The following VSX1 variants were observed in gnomAD, a reference collection of about 807,000 sequenced individuals.
The protein encoded by VSX1 is homeodomain protein RINX.
A neutral mutation model predicts 23.6 loss-of-function variants in VSX1; 23 were observed. The observed-to-expected ratio is 0.97, with a 90% CI of 0.70 to 1.38. VSX1 has a LOEUF of 1.38. VSX1 is among the 40% of genes most tolerant of loss of function. VSX1 has a pLI of 0.00. For synonymous variants in VSX1, 247 were observed against 215.1 expected, an observed-to-expected ratio of 1.15 and a Z score of -1.30; for missense variants, 517 against 495.4, an observed-to-expected ratio of 1.04 and a Z score of -0.41.
At chr20:25,081,648 G>A (rs1472681171) in intron 1 of VSX1, 25 bp downstream of exon 1, 10 of 1,528,208 alleles carry the variant, frequency 6.5e-6, no homozygotes, top group African/African-American at 1.4e-5. Context: ...ACAGGGGCAG[G>A]AGCGGAAAGC....
downstream of VSX1, chr20:25,070,996 C>G (rs575024921): frequency 2.2e-6 from 1 of 453,810 alleles, no homozygotes; most frequent in Non-Finnish European, 4.4e-6. Flanking sequence ...CTTAAAATGT[C>G]AGTATGAGAC....
chr20:25,077,907 A>C, intron 3 of VSX1, 42 bp from the exon 4 acceptor site: 1 of 1,549,240 alleles, frequency 6.5e-7, no homozygotes, highest in Non-Finnish European at 8.7e-7. Context: ...CAGAAGAGAC[A>C]GTGAAGAGGG....
chr20:25,075,906 C>T lies in VSX1; in HGVS notation c.*355G>A. The T allele has an allele frequency of 6.6e-6, 2 of 301,150 alleles. No homozygotes were observed. Among genetic ancestry groups the T allele is most frequent in the East Asian group, 8.2e-5 (1 of 12,220 alleles). 18.7% of individuals were successfully genotyped at this position (301,150 alleles called of 1,614,324 possible). A position where few individuals can be genotyped will look rare whatever the true frequency, so the allele number is the denominator to read the frequency against. ...CCTAATTGAGAATGAGGACATCAGA[C>T]CTAACCTATTCATCTATACAGTACA... On this transcript the variant is annotated 3_prime_UTR_variant, in exon 5 of 5. Coordinates refer to ENST00000376709, the MANE Select transcript of VSX1 (RefSeq NM_014588.6).
At position 25,076,466 on chromosome 20, in the gene VSX1, T is replaced by A; in HGVS notation, c.893A>T (p.Lys298Ile). The A allele has an allele frequency of 6.2e-7, 1 of 1,614,188 alleles. No individual in the cohort carries two copies. Among genetic ancestry groups the A allele is most frequent in the South Asian group, 1.1e-5 (1 of 91,090 alleles). Reference sequence around the variant, plus strand: ...TGACTCACTCTGGCTAGAACCTTCTTTGAAGTGGTCAGAGCCCCAGAGTCC... The same window carrying A: ...TGACTCACTCTGGCTAGAACCTTCTATGAAGTGGTCAGAGCCCCAGAGTCC... ...LAGLWGSDHF[K>I]EGSSQSESGS... is the part of the protein sequence containing the mutation. Residue 298 changes from lysine (K) to isoleucine (I), a missense_variant, in exon 5 of 5, where the codon AAA becomes ATA. Lys to Ile is a moderately radical substitution (Grantham distance 102, BLOSUM62 -3). Coordinates refer to ENST00000376709, the MANE Select transcript of VSX1 (RefSeq NM_014588.6).
downstream of VSX1, among the ~76,000 whole-genome samples, chr20:25,073,418 C>T (rs2089422393): frequency 6.6e-6 from 1 of 152,142 alleles, no homozygotes; most frequent in South Asian, 2.1e-4. Context: ...CACACACGCA[C>T]TACTTTACCT....
chr20:25,072,663 A>T (rs2089404482), downstream of VSX1: 1 of 471,074 alleles, frequency 2.1e-6, no homozygotes, highest in Admixed American at 2.3e-5. Context: ...CAAAGAGATA[A>T]TGAATTTGAA....
In VSX1 at chr20:25,077,688, G is replaced by A. The variant is rs1334131107; in HGVS notation, c.805C>T (p.Leu269=). 5 of 1,547,870 alleles carry A rather than the reference G, an allele frequency of 3.2e-6. No homozygotes were observed. Among genetic ancestry groups the A allele is most frequent in the Non-Finnish European group, 1.7e-6 (2 of 1,146,772 alleles). Residue 269 remains leucine (L), a synonymous_variant, in exon 4 of 5, where the codon CTG becomes TTG. Coordinates refer to ENST00000376709, the MANE Select transcript of VSX1 (RefSeq NM_014588.6). ...GLLGSCAPWL[L]GMHKKSMGMI... ...GATCCCGGGGGCCCTTCCTTACCCAGGAGCCAGGGCGCGCAGGAGCCCAGC... is the reference window on the plus strand; with the variant it reads ...GATCCCGGGGGCCCTTCCTTACCCAAGAGCCAGGGCGCGCAGGAGCCCAGC...
In VSX1 at chr20:25,081,913, G is replaced by A. The variant is rs2089657403; in HGVS notation, c.184C>T (p.Pro62Ser). The A allele has an allele frequency of 6.5e-7, 1 of 1,529,204 alleles. No individual in the cohort carries two copies. The highest frequency in any genetic ancestry group is 1.2e-5 in the South Asian group (1 of 83,626). 94.7% of individuals were successfully genotyped at this position (1,529,204 alleles called of 1,614,324 possible). A position where few individuals can be genotyped will look rare whatever the true frequency, so the allele number is the denominator to read the frequency against. ...CCGTCAAGCCCCGGGCCCGGGCACG[G>A]CGCGACTGCCGGACCCTCGCAGCCA... ...GSGCEGPAVA[P>S]CPGPGLDGSS... Residue 62 changes from proline (P) to serine (S), a missense_variant, in exon 1 of 5, where the codon CCG becomes TCG. Transcript: ENST00000376709.
In VSX1 at chr20:25,076,257, G is replaced by A. The variant is rs759640941; in HGVS notation, c.*4C>T. The A allele has an allele frequency of 5.6e-6, 9 of 1,613,938 alleles. No homozygotes were observed. The highest frequency in any genetic ancestry group is 2.7e-5 in the African/African-American group (2 of 74,930). On this transcript the variant is annotated 3_prime_UTR_variant, in exon 5 of 5. Coordinates refer to ENST00000376709, the MANE Select transcript of VSX1 (RefSeq NM_014588.6). ...TCAGCCTTTGACAGTGGGACCTGTGGGTCTCATGTGGCTCCCACCTTCCCT... is the reference window on the plus strand; with the variant it reads ...TCAGCCTTTGACAGTGGGACCTGTGAGTCTCATGTGGCTCCCACCTTCCCT...
At chr20:25,071,291 G>A (rs757724460), downstream of VSX1, 2 of 453,908 alleles carry the variant, frequency 4.4e-6, no homozygotes, top group East Asian at 6.9e-5. Context: ...GAGAGGAGAA[G>A]GGCAGCCAGC....
At chr20:25,077,098 A>G (rs762973169) in intron 4 of VSX1, among the ~76,000 whole-genome samples, 2 of 152,170 alleles carry the variant, frequency 1.3e-5, no homozygotes, top group African/African-American at 2.4e-5. Context: ...CATTCCCACA[A>G]TCTGTGATCC....
In VSX1 at chr20:25,077,903, A is replaced by G. The variant is rs1336470650; in HGVS notation, c.628-38T>C. 5.2e-6 allele frequency: 8 copies of G among 1,549,636 alleles called. No individual in the cohort carries two copies. The East Asian group carries it at 2.0e-4, about 38-fold the overall frequency. On this transcript the variant is annotated intron_variant, in intron 3 of 4. Transcript: ENST00000376709. The stretch of plus-strand genomic sequence containing the variant: ...AGGAGAAGCAGAAGGCACACAGAAG[A>G]GACAGTGAAGAGGGGCGCCTGGAGG...
At chr20:25,073,917 G>GC (rs2089434622), downstream of VSX1, among the ~76,000 whole-genome samples, 2 of 152,184 alleles carry the variant, frequency 1.3e-5, no homozygotes. Context: ...GGAGAGAGCA[G>GC]CCCAATGACA....
Position 25,081,748 on chromosome 20 carries a change from C to G in VSX1, c.349G>C (p.Ala117Pro). 1 of 1,498,830 alleles carries G rather than the reference C, an allele frequency of 6.7e-7. No homozygotes were observed. Among genetic ancestry groups the G allele is most frequent in the Non-Finnish European group, 8.8e-7 (1 of 1,132,052 alleles). The allele number at this position is 1,498,830 out of a possible 1,614,324, so 92.8% of individuals were successfully genotyped here. A position where few individuals can be genotyped will look rare whatever the true frequency, so the allele number is the denominator to read the frequency against. ...PFLPPRGPEPAAPLAPSRPPP... is the reference protein window; with the variant it reads ...PFLPPRGPEPPAPLAPSRPPP... Reference sequence around the variant, plus strand: ...GGACGGCTGGGAGCCAGCGGGGCAGCGGGCTCGGGGCCCCTGGGCGGCAGG... The same window carrying G: ...GGACGGCTGGGAGCCAGCGGGGCAGGGGGCTCGGGGCCCCTGGGCGGCAGG... The change falls in exon 1 of 5, where the codon GCT (alanine) becomes CCT (proline). Residue 117 changes from alanine (A) to proline (P), a missense_variant. By Grantham distance (27) the Ala-to-Pro change is conservative. Coordinates refer to ENST00000376709, the MANE Select transcript of VSX1 (RefSeq NM_014588.6).
intron 1 of VSX1, 81 bp downstream of exon 1, chr20:25,081,592 G>T: frequency 6.5e-7 from 1 of 1,548,160 alleles, no homozygotes. Flanking sequence ...CCAGGGGTGC[G>T]GTGGGGCGAT....
At position 25,079,465 on chromosome 20, in the gene VSX1, G is replaced by A. The variant is rs199995626; in HGVS notation, c.474C>T (p.Thr158=). The A allele has an allele frequency of 6.2e-7, 1 of 1,613,000 alleles. No individual in the cohort carries two copies. The highest frequency in any genetic ancestry group is 1.7e-5 in the Admixed American group (1 of 59,962). ...GCCGCCGCTTCTTCCTCTTGCCCAA[G>A]GTGGGGGATGCCTTTAGGTCATTCC... ...EDRNDLKASP[T]LGKRKKRRHR... The change falls in exon 2 of 5, where the codon ACC becomes ACT. Residue 158 remains threonine (T), a synonymous_variant. Transcript: ENST00000376709.
At chr20:25,077,435 A>G (rs2089523180) in intron 4 of VSX1, among the ~76,000 whole-genome samples, 1 of 152,196 alleles carries the variant, frequency 6.6e-6, no homozygotes, top group Non-Finnish European at 1.5e-5. Flanking sequence ...TAAATCCCAA[A>G]TACATATTTA....
chr20:25,076,689 G>C (rs1736814562), intron 4 of VSX1, 139 bp from the exon 5 acceptor site: 1 of 1,021,912 alleles, frequency 9.8e-7, no homozygotes, highest in Non-Finnish European at 1.4e-6. Flanking sequence ...CTACAGGAGA[G>C]GCAGGTAGGT....
Position 25,078,810 on chromosome 20 carries a change from G to A in VSX1, c.627+19C>T. 6.2e-7 allele frequency: 1 copy of A among 1,614,132 alleles called. No individual in the cohort carries two copies. Among genetic ancestry groups the A allele is most frequent in the Non-Finnish European group, 8.5e-7 (1 of 1,180,022 alleles). ...TTCTCTGTGGTATCTTTGGAGCGGA[G>A]AAAAGGGACCCCAGACACCTGTATC... is the stretch of plus-strand genomic sequence containing the variant. On this transcript the variant is annotated intron_variant, in intron 3 of 4. Coordinates refer to ENST00000376709, the MANE Select transcript of VSX1 (RefSeq NM_014588.6).
Sources: allele counts gnomAD v4.1 joint callset (sites outside exome capture counted in the v4.1 genomes callset), GRCh38; gene constraint gnomAD v4.1.1; transcripts MANE v1.5; gene names NCBI Gene and HGNC (gene_info 2026-07-23, HGNC 2026-07-21).